Variants in NRG3 observed in about 807,000 individuals in gnomAD.
NRG3 encodes the protein neuregulin 3, also known as pro-neuregulin-3, membrane-bound isoform.
NRG3 carries 31 observed loss-of-function variants against 66.9 expected under a neutral mutation model. The ratio of observed to expected loss-of-function variants is 0.46; its 90% confidence interval spans 0.35 to 0.63. The LOEUF (loss-of-function observed/expected upper bound fraction) is 0.63, where lower values mean the gene tolerates loss of function less well. Ranked by LOEUF, NRG3 falls within the 20% of genes least tolerant of loss-of-function variation. NRG3 has a pLI of 0.00. For synonymous variants in NRG3, 393 were observed against 359.4 expected, an observed-to-expected ratio of 1.09 and a Z score of -1.06; for missense variants, 910 against 878.9, an observed-to-expected ratio of 1.04 and a Z score of -0.45.
intron 2 of NRG3, among the ~76,000 whole-genome samples, chr10:82,706,886 T>C (rs2056325880): frequency 6.6e-6 from 1 of 151,364 alleles, no homozygotes; most frequent in South Asian, 2.1e-4. Context: ...CCCAGCTACT[T>C]GGGAGGCTGA....
At chr10:82,893,414 G>C (rs537116861) in intron 4 of NRG3, among the ~76,000 whole-genome samples, 3 of 152,324 alleles carry the variant, frequency 2.0e-5, no homozygotes, top group Non-Finnish European at 4.4e-5. Flanking sequence ...AGTGGGCCAG[G>C]CGCGGTGGCT....
Position 82,385,506 on chromosome 10 carries a change from A to G in NRG3, c.953+26638A>G, listed in dbSNP as rs2085921276. 2.0e-5 allele frequency among the ~76,000 whole-genome samples: 3 copies of G among 152,154 alleles called. No homozygotes were observed. The South Asian group carries it at 6.2e-4, about 31-fold the overall frequency. ...ATATTCACTGGTAGGCAGGTCTCAAATGGTGTGGAGCAAGCACCTTTTCCA... is the reference window on the plus strand; with the variant it reads ...ATATTCACTGGTAGGCAGGTCTCAAGTGGTGTGGAGCAAGCACCTTTTCCA... On this transcript the variant is annotated intron_variant, in intron 2 of 8. Coordinates refer to ENST00000372141, the MANE Select transcript of NRG3 (RefSeq NM_001010848.4).
chr10:82,090,927 A>G (rs980830151), intron 1 of NRG3, among the ~76,000 whole-genome samples: 9 of 152,138 alleles, frequency 5.9e-5, no homozygotes, highest in Non-Finnish European at 1.5e-5. Context: ...TTTGGTTGCA[A>G]AGACTCCTGC....
chr10:82,028,963 CT>C (rs1408191885), intron 1 of NRG3, among the ~76,000 whole-genome samples: 1 of 152,050 alleles, frequency 6.6e-6, no homozygotes, highest in Non-Finnish European at 1.5e-5. Context: ...AATCCTAGCA[CT>C]TTGGGAGGCT....
chr10:82,501,201 G>A (rs1347782864), intron 2 of NRG3, among the ~76,000 whole-genome samples: 1 of 152,080 alleles, frequency 6.6e-6, no homozygotes, highest in East Asian at 1.9e-4. Context: ...ATGGGAATGG[G>A]TGGAAATCTA....
chr10:82,047,909 C>T (rs1027798260), intron 1 of NRG3, among the ~76,000 whole-genome samples: 3 of 151,906 alleles, frequency 2.0e-5, no homozygotes, highest in African/African-American at 7.3e-5. Flanking sequence ...GGAAGATCTA[C>T]CAAGCAAATG....
intron 1 of NRG3, among the ~76,000 whole-genome samples, chr10:82,259,362 T>G (rs2077900317): frequency 6.6e-6 from 1 of 151,956 alleles, no homozygotes; most frequent in Admixed American, 6.6e-5. Flanking sequence ...CCAGAGTCAT[T>G]AAGATAAAAA....
intron 1 of NRG3, among the ~76,000 whole-genome samples, chr10:82,101,022 G>C (rs776928051): frequency 2.3e-4 from 35 of 151,966 alleles, no homozygotes; most frequent in Non-Finnish European, 8.8e-5. Context: ...TTCTTTAGTA[G>C]ATATAGAACT....
intron 2 of NRG3, among the ~76,000 whole-genome samples, chr10:82,461,736 T>C (rs376590246): frequency 7.8e-5 from 11 of 141,816 alleles, no homozygotes; most frequent in African/African-American, 2.0e-4. Flanking sequence ...TACAGGTGCA[T>C]TGAATAACTG....
At chr10:82,228,125 A>G (rs1300620791) in intron 1 of NRG3, among the ~76,000 whole-genome samples, 1 of 152,208 alleles carries the variant, frequency 6.6e-6, no homozygotes, top group African/African-American at 2.4e-5. Flanking sequence ...GACCCCATAG[A>G]GAGACCTGGG....
chr10:82,081,771 TC>T (rs991687044), intron 1 of NRG3, among the ~76,000 whole-genome samples: 2 of 152,220 alleles, frequency 1.3e-5, no homozygotes, highest in African/African-American at 2.4e-5. Context: ...CTCCGCATGG[TC>T]TTGGTCTGGG....
intron 3 of NRG3, among the ~76,000 whole-genome samples, chr10:82,840,892 G>T (rs115877825): frequency 0.013 from 1,936 of 152,132 alleles, 50 homozygotes; most frequent in African/African-American, 0.045. Flanking sequence ...GATGTTGTGG[G>T]TTGAATCCTG....
At chr10:82,105,894 C>T (rs1191530922) in intron 1 of NRG3, among the ~76,000 whole-genome samples, 5 of 152,076 alleles carry the variant, frequency 3.3e-5, no homozygotes, top group Admixed American at 2.6e-4. Flanking sequence ...AGACACACTG[C>T]TCGGTATGCA....
At chr10:82,580,655 G>A (rs2046307159) in intron 2 of NRG3, among the ~76,000 whole-genome samples, 1 of 151,888 alleles carries the variant, frequency 6.6e-6, no homozygotes, top group Non-Finnish European at 1.5e-5. Flanking sequence ...ACAATACGCA[G>A]TCTTTTTGGG....
At chr10:82,424,979 C>G (rs1474269799) in intron 2 of NRG3, among the ~76,000 whole-genome samples, 5 of 152,034 alleles carry the variant, frequency 3.3e-5, no homozygotes, top group African/African-American at 4.8e-5. Flanking sequence ...ACTCTCAAAT[C>G]TATTCCATTG....
intron 2 of NRG3, among the ~76,000 whole-genome samples, chr10:82,423,894 A>G (rs1443829918): frequency 6.6e-6 from 1 of 151,984 alleles, no homozygotes. Context: ...GAATCCTACA[A>G]CATGTGATCA....
At chr10:82,613,811 A>G (rs943058137) in intron 2 of NRG3, among the ~76,000 whole-genome samples, 2 of 146,304 alleles carry the variant, frequency 1.4e-5, no homozygotes, top group Admixed American at 6.8e-5. Flanking sequence ...AGCATTAGGT[A>G]TATCTCCTAA....
chr10:82,892,245 C>T (rs1211852535), intron 4 of NRG3, among the ~76,000 whole-genome samples: 1 of 151,758 alleles, frequency 6.6e-6, no homozygotes, highest in Non-Finnish European at 1.5e-5. Context: ...TACTAGTAGA[C>T]ATTTTTAGGC....
chr10:82,435,257 G>A (rs1414969353), intron 2 of NRG3, among the ~76,000 whole-genome samples: 1 of 152,042 alleles, frequency 6.6e-6, no homozygotes, highest in Non-Finnish European at 1.5e-5. Flanking sequence ...ATTCTCTGAT[G>A]GTAGCCTGTA....
Sources: gnomAD v4.1 joint callset for allele counts (sites outside exome capture counted in the v4.1 genomes callset) on GRCh38, gnomAD v4.1.1 for gene constraint, MANE v1.5 for transcripts, NCBI Gene and HGNC (gene_info 2026-07-23, HGNC 2026-07-21) for gene names.